PIP5K1A: variants seen among roughly 807,000 people sequenced by gnomAD.
PIP5K1A encodes phosphatidylinositol-4-phosphate 5-kinase type 1 alpha.
A neutral mutation model predicts 72.9 loss-of-function variants in PIP5K1A; 46 were observed. The observed-to-expected ratio is 0.63, with a 90% confidence interval of 0.50 to 0.81. The LOEUF (loss-of-function observed/expected upper bound fraction) is 0.81, where lower values mean the gene tolerates loss of function less well. PIP5K1A is among the 30% of genes least tolerant of loss of function. The pLI is 0.00. For missense variants in PIP5K1A, 458 were observed against 706.1 expected (o/e 0.65, Z 3.98); for synonymous variants, 228 against 255.1 (o/e 0.89, Z 1.01).
chr1:151,214,719 C>T (rs957597831), intron 1 of PIP5K1A, among the ~76,000 whole-genome samples: 2 of 151,568 alleles, frequency 1.3e-5, no homozygotes, highest in Admixed American at 6.6e-5. Context: ...CCTCAAGGAG[C>T]GGAAGAGCCT....
At chr1:151,196,267 T>C (rs1684553591), upstream of PIP5K1A, among the ~76,000 whole-genome samples, 1 of 152,150 alleles carries the variant, frequency 6.6e-6, no homozygotes, top group Non-Finnish European at 1.5e-5. Context: ...ACAAGGATAA[T>C]TTATTCAACA....
upstream of PIP5K1A, chr1:151,197,804 G>A: frequency 3.4e-6 from 1 of 292,420 alleles, no homozygotes; most frequent in South Asian, 2.8e-5. Flanking sequence ...AGAGAGACTG[G>A]TCTTCCCACC....
chr1:151,241,568 A>G (rs895503226), intron 12 of PIP5K1A, among the ~76,000 whole-genome samples: 2 of 152,056 alleles, frequency 1.3e-5, no homozygotes, highest in African/African-American at 2.4e-5. Flanking sequence ...TGGGAGGCCT[A>G]GGTGGGCGGA....
At chr1:151,207,831 C>A (rs1391895390) in intron 1 of PIP5K1A, among the ~76,000 whole-genome samples, 10 of 150,722 alleles carry the variant, frequency 6.6e-5, no homozygotes, top group African/African-American at 2.4e-4. Context: ...CCACACCTGG[C>A]CATCAAGATT....
upstream of PIP5K1A, chr1:151,198,401 C>G (rs1041779468): frequency 1.2e-5 from 3 of 252,494 alleles, no homozygotes; most frequent in Admixed American, 5.3e-5. Flanking sequence ...TCGGCCAACC[C>G]GCGCGCGCAC....
intron 1 of PIP5K1A, among the ~76,000 whole-genome samples, chr1:151,205,221 A>G (rs587638172): frequency 1.6e-4 from 24 of 152,196 alleles, no homozygotes; most frequent in African/African-American, 5.1e-4. Flanking sequence ...GCTACAGACC[A>G]GTGTAGTGCA....
At chr1:151,224,755 A>G (rs1688866884) in intron 3 of PIP5K1A, among the ~76,000 whole-genome samples, 1 of 152,166 alleles carries the variant, frequency 6.6e-6, no homozygotes, top group Non-Finnish European at 1.5e-5. Flanking sequence ...AATATGAAGA[A>G]CTTTTAGCCA....
chr1:151,206,972 C>T (rs1001135986), intron 1 of PIP5K1A, among the ~76,000 whole-genome samples: 3 of 152,136 alleles, frequency 2.0e-5, no homozygotes, highest in South Asian at 4.1e-4. Context: ...TGGGTTCAAG[C>T]GATTCTCCTG....
intron 8 of PIP5K1A, 39 bp downstream of exon 8, chr1:151,234,535 A>G (rs756419079): frequency 4.6e-6 from 7 of 1,530,694 alleles, no homozygotes; most frequent in South Asian, 2.2e-5. Context: ...CTCAGTTACT[A>G]AAACAGCTTG....
At chr1:151,236,119 CAA>C (rs377141308) in intron 8 of PIP5K1A, among the ~76,000 whole-genome samples, 49 of 64,740 alleles carry the variant, frequency 7.6e-4, no homozygotes, top group Admixed American at 1.6e-3. Context: ...GACTCCGTCT[CAA>C]AAAAAAAAAA....
At chr1:151,206,558 T>A (rs1165898243) in intron 1 of PIP5K1A, among the ~76,000 whole-genome samples, 1 of 151,738 alleles carries the variant, frequency 6.6e-6, no homozygotes, top group Non-Finnish European at 1.5e-5. Flanking sequence ...TTAATACTTT[T>A]TTTGTTTTGT....
At chr1:151,225,538 T>G (rs1235146886) in intron 3 of PIP5K1A, among the ~76,000 whole-genome samples, 1 of 151,920 alleles carries the variant, frequency 6.6e-6, no homozygotes, top group East Asian at 1.9e-4. Context: ...GGCTCGATCT[T>G]GGCTCACTAT....
chr1:151,201,371 A>G (rs886357250), intron 1 of PIP5K1A, among the ~76,000 whole-genome samples: 2 of 151,058 alleles, frequency 1.3e-5, no homozygotes, highest in African/African-American at 4.9e-5. Context: ...TTTTTTTGAG[A>G]CAGAGTATCA....
chr1:151,240,506 A>AT (rs373941521), intron 12 of PIP5K1A, among the ~76,000 whole-genome samples: 8 of 152,056 alleles, frequency 5.3e-5, no homozygotes, highest in African/African-American at 1.4e-4. Flanking sequence ...AAGTGCCAAT[A>AT]TTTTTTTGCA....
At chr1:151,244,408 T>C (rs1442157198) in intron 14 of PIP5K1A, among the ~76,000 whole-genome samples, 1 of 152,130 alleles carries the variant, frequency 6.6e-6, no homozygotes, top group Non-Finnish European at 1.5e-5. Flanking sequence ...ATCCCAACAC[T>C]TGTGAGAGGT....
intron 1 of PIP5K1A, among the ~76,000 whole-genome samples, chr1:151,207,639 C>T (rs956701783): frequency 6.7e-6 from 1 of 149,292 alleles, no homozygotes; most frequent in African/African-American, 2.5e-5. Context: ...TCAAGTGATT[C>T]TGCTTCCTCA....
At chr1:151,197,472 G>T (rs1422831637), upstream of PIP5K1A, among the ~76,000 whole-genome samples, 1 of 150,978 alleles carries the variant, frequency 6.6e-6, no homozygotes, top group Non-Finnish European at 1.5e-5. Flanking sequence ...GTAGAGACGG[G>T]GTTTCACCGT....
chr1:151,197,052 C>T (rs1434622132), upstream of PIP5K1A, among the ~76,000 whole-genome samples: 1 of 146,438 alleles, frequency 6.8e-6, no homozygotes, highest in Admixed American at 6.9e-5. Flanking sequence ...AGTAGAGACG[C>T]GGTTTCACTA....
chr1:151,218,956 C>T (rs1008210070), intron 1 of PIP5K1A, among the ~76,000 whole-genome samples: 50 of 151,772 alleles, frequency 3.3e-4, no homozygotes, highest in Non-Finnish European at 6.3e-4. Context: ...TGAGCCCATT[C>T]CTTAACCTCT....
Sources: gnomAD v4.1 joint callset for allele counts (sites outside exome capture counted in the v4.1 genomes callset) on GRCh38, gnomAD v4.1.1 for gene constraint, MANE v1.5 for transcripts, NCBI Gene and HGNC (gene_info 2026-07-23, HGNC 2026-07-21) for gene names.